SLC36A2: variants seen among roughly 807,000 people sequenced by gnomAD.
SLC36A2 encodes proton-coupled amino acid transporter 2.
SLC36A2 carries 39 observed loss-of-function variants against 42.7 expected under a neutral mutation model. The observed-to-expected ratio is 0.91, with a 90% CI of 0.71 to 1.19. The LOEUF (loss-of-function observed/expected upper bound fraction) is 1.19. Ranked by LOEUF, SLC36A2 falls within the 50% of genes most tolerant of loss-of-function variation. The pLI, the probability that SLC36A2 is intolerant of heterozygous loss-of-function variation, is 0.00. For missense variants in SLC36A2, 590 were observed against 613.7 expected (o/e 0.96, Z 0.41); for synonymous variants, 237 against 240.8 (o/e 0.98, Z 0.15).
chr5:151,346,381 A>G (rs1033497571), intron 1 of SLC36A2, among the ~76,000 whole-genome samples: 3 of 151,732 alleles, frequency 2.0e-5, no homozygotes, highest in Admixed American at 1.3e-4. Flanking sequence ...TGCCCCTTAC[A>G]GTCCCTCCCT....
Position 151,316,694 on chromosome 5 carries a change from C to A in SLC36A2, c.*123G>T. ...GGCCGAAGTTGTGGTGAGCTGAGAT[C>A]GCATCATTGTACTCCAGTCTGGGCA... On this transcript the variant is annotated 3_prime_UTR_variant, in exon 10 of 10. Transcript: ENST00000335244. 1.7e-6 allele frequency: 2 copies of A among 1,210,302 alleles called. No individual in the cohort carries two copies. Among genetic ancestry groups the A allele is most frequent in the South Asian group, 2.9e-5 (2 of 68,014 alleles). 75.0% of individuals were successfully genotyped at this position (1,210,302 alleles called of 1,614,324 possible). A position where few individuals can be genotyped will look rare whatever the true frequency, so the allele number is the denominator to read the frequency against.
intron 9 of SLC36A2, among the ~76,000 whole-genome samples, chr5:151,318,454 TTATTTTATATATAAATAAAATA>T (rs542920335): frequency 0.026 from 3,862 of 145,968 alleles, 98 homozygotes; most frequent in Non-Finnish European, 0.038. Flanking sequence ...AATTTATTAT[TTATTTTATATATAAATAAAATA>T]TATTTTATAT....
At position 151,343,617 on chromosome 5, in the gene SLC36A2, A is replaced by G; in HGVS notation, c.256-19T>C. ...GGCCCATCTGGAGGAAGGGGAGGCA[A>G]GGGGCGAGGGAGGAGAGAAGAGAAT... On this transcript the variant is annotated intron_variant, in intron 2 of 9. Coordinates refer to ENST00000335244, the MANE Select transcript of SLC36A2 (RefSeq NM_181776.3). 6.2e-7 allele frequency: 1 copy of G among 1,607,746 alleles called. No individual in the cohort carries two copies. The highest frequency in any genetic ancestry group is 8.5e-7 in the Non-Finnish European group (1 of 1,174,264).
At chr5:151,320,146 A>G (rs184045750) in intron 9 of SLC36A2, among the ~76,000 whole-genome samples, 214 of 151,646 alleles carry the variant, frequency 1.4e-3, no homozygotes, top group African/African-American at 4.7e-3. Context: ...TTTTCCCTGT[A>G]GTGCTTTCTT....
chr5:151,327,873 C>G (rs891283261), intron 7 of SLC36A2, among the ~76,000 whole-genome samples: 5 of 152,260 alleles, frequency 3.3e-5, no homozygotes, highest in African/African-American at 1.2e-4. Context: ...CTGCACAGTT[C>G]CTAGCTGGTG....
intron 5 of SLC36A2, 156 bp downstream of exon 5, chr5:151,338,904 G>A (rs752549290): frequency 1.6e-6 from 1 of 634,850 alleles, no homozygotes; most frequent in East Asian, 3.3e-5. Context: ...GAGATCTTCA[G>A]ATATGTGAAC....
At chr5:151,336,686 G>A (rs112443247) in intron 5 of SLC36A2, among the ~76,000 whole-genome samples, 17,629 of 149,964 alleles carry the variant, frequency 0.12, 3,530 homozygotes, top group African/African-American at 0.41. Flanking sequence ...ACAAGAAACC[G>A]TCCCCCACCC....
At position 151,340,064 on chromosome 5, in the gene SLC36A2, GAGAAAA is replaced by G. The variant is rs1198610619; in HGVS notation, c.441-926_441-921del. Among the ~76,000 whole-genome samples the G allele has an allele frequency of 2.6e-5, 4 of 151,546 alleles. No homozygotes were observed. The East Asian group carries it at 7.7e-4, about 29-fold the overall frequency. ...AGGAAGAGGGAGGGACAAAGAGAGA[GAGAAAA>G]AGAAGAAAAAGGAGGAGAGGAAAAA... On this transcript the variant is annotated intron_variant, in intron 4 of 9. Transcript: ENST00000335244.
At chr5:151,331,616 A>C (rs246490) in intron 7 of SLC36A2, among the ~76,000 whole-genome samples, 97,899 of 151,836 alleles carry the variant, frequency 0.64, 32,209 homozygotes, top group East Asian at 0.86. Context: ...CCATATCTAG[A>C]CATGACCCTA....
chr5:151,337,849 A>G (rs1756203653), intron 5 of SLC36A2, among the ~76,000 whole-genome samples: 2 of 152,244 alleles, frequency 1.3e-5, no homozygotes, highest in African/African-American at 4.8e-5. Flanking sequence ...ATTGCAAAAT[A>G]CTGACCAGTT....
At position 151,322,072 on chromosome 5, in the gene SLC36A2, A is replaced by G. The variant is rs1415117577; in HGVS notation, c.1154T>C (p.Ile385Thr). 6.2e-7 allele frequency: 1 copy of G among 1,614,222 alleles called. No individual in the cohort carries two copies. Among genetic ancestry groups the G allele is most frequent in the Admixed American group, 1.7e-5 (1 of 60,022 alleles). ...TGTCAGGCAGACCATGACGAGGCGA[A>G]TGGACAGATCCAGAGGCAGTGCCCA... ...TRWALPLDLS[I>T]RLVMVCLTCL... Residue 385 changes from isoleucine (I) to threonine (T), a missense_variant, in exon 9 of 10, where the codon ATT becomes ACT. Ile to Thr is a moderately conservative substitution (Grantham distance 89). Coordinates refer to ENST00000335244, the MANE Select transcript of SLC36A2 (RefSeq NM_181776.3).
intron 5 of SLC36A2, among the ~76,000 whole-genome samples, chr5:151,335,942 C>G (rs941655360): frequency 7.3e-5 from 11 of 151,312 alleles, no homozygotes; most frequent in African/African-American, 2.7e-4. Flanking sequence ...GCACAAGAAT[C>G]GCTTGAGCCA....
intron 7 of SLC36A2, among the ~76,000 whole-genome samples, chr5:151,331,474 C>T (rs185040918): frequency 9.1e-4 from 136 of 149,706 alleles, no homozygotes; most frequent in African/African-American, 2.9e-3. Flanking sequence ...TGCCACTACA[C>T]CCAGCTAATT....
At chr5:151,318,582 T>A (rs1289151526) in intron 9 of SLC36A2, among the ~76,000 whole-genome samples, 4 of 143,464 alleles carry the variant, frequency 2.8e-5, no homozygotes, top group Middle Eastern at 3.6e-3. Flanking sequence ...AATAAATATT[T>A]TATATATATA....
intron 6 of SLC36A2, among the ~76,000 whole-genome samples, chr5:151,334,074 C>T (rs1231524107): frequency 6.6e-6 from 1 of 152,012 alleles, no homozygotes. Flanking sequence ...AATAAATATT[C>T]TATATACCTT....
At position 151,322,338 on chromosome 5, in the gene SLC36A2, C is replaced by CT. The variant is rs1238946757; in HGVS notation, c.1011-124dup. 12 of 1,109,256 alleles carry CT rather than the reference C, an allele frequency of 1.1e-5. No homozygotes were observed. The African/African-American group carries it at 1.7e-4, about 16-fold the overall frequency. 68.7% of individuals were successfully genotyped at this position (1,109,256 alleles called of 1,614,324 possible). A position where few individuals can be genotyped will look rare whatever the true frequency, so the allele number is the denominator to read the frequency against. ...CTTTTGTTTCCCTTTCTGAAAATGA[C>CT]TGAGAGGGACCTTCTAAGAATCAAG... On this transcript the variant is annotated intron_variant, in intron 8 of 9. Coordinates refer to ENST00000335244, the MANE Select transcript of SLC36A2 (RefSeq NM_181776.3).
At chr5:151,322,338 CT>C in intron 8 of SLC36A2, 123 bp from the exon 9 acceptor site, 1 of 1,109,256 alleles carries the variant, frequency 9.0e-7, no homozygotes, top group Non-Finnish European at 1.3e-6. Flanking sequence ...CTGAAAATGA[CT>C]GAGAGGGACC....
chr5:151,321,356 T>C (rs1289064346), intron 9 of SLC36A2, among the ~76,000 whole-genome samples: 1 of 150,116 alleles, frequency 6.7e-6, no homozygotes, highest in Non-Finnish European at 1.5e-5. Flanking sequence ...TTTTTTTTTT[T>C]TTTTTTAATA....
intron 5 of SLC36A2, among the ~76,000 whole-genome samples, chr5:151,338,413 C>T (rs997564247): frequency 1.5e-5 from 2 of 135,538 alleles, no homozygotes; most frequent in Admixed American, 6.6e-5. Context: ...TGTGGTGGCT[C>T]ATGCTATAAT....
Sources: allele counts gnomAD v4.1 joint callset (sites outside exome capture counted in the v4.1 genomes callset), GRCh38; gene constraint gnomAD v4.1.1; transcripts MANE v1.5; gene names NCBI Gene and HGNC (gene_info 2026-07-23, HGNC 2026-07-21).